Variants in CPZ observed in about 807,000 individuals in gnomAD.
The protein encoded by CPZ is VEZT/CPZ fusion.
Under a neutral mutation model 61.8 loss-of-function variants are expected in CPZ, and 103 were observed. The observed-to-expected ratio is 1.67, with a 90% confidence interval of 1.42 to 1.96. The LOEUF (loss-of-function observed/expected upper bound fraction) is 1.96. Ranked by LOEUF, CPZ falls within the 30% of genes most tolerant of loss-of-function variation. The pLI, the probability that CPZ is intolerant of heterozygous loss-of-function variation, is 0.00. For synonymous variants in CPZ, 551 were observed against 373.7 expected, an observed-to-expected ratio of 1.47 and a Z score of -5.47; for missense variants, 1,461 against 914.9, an observed-to-expected ratio of 1.60 and a Z score of -7.70.
At chr4:8,618,204 G>C in intron 9 of CPZ, 2 of 562,998 alleles carry the variant, frequency 3.6e-6, no homozygotes, top group Non-Finnish European at 6.4e-6. Flanking sequence ...TCATTCAAAA[G>C]CCCAGAACGT....
rs183707695 is a variant in CPZ at position 8,616,157 on chromosome 4, C to T, written c.1503+1659C>T. Among the ~76,000 whole-genome samples, 303 of 152,304 alleles carry T rather than the reference C, an allele frequency of 2.0e-3. 2 individuals are homozygous for T. Among genetic ancestry groups the T allele is most frequent in the African/African-American group, 5.9e-3 (247 of 41,554 alleles). On this transcript the variant is annotated intron_variant, in intron 9 of 10. Coordinates refer to ENST00000360986, the MANE Select transcript of CPZ (RefSeq NM_001014447.3). ...GCAGCTCGCTGGCTGGCTCTTGAGA[C>T]GGACGTCTTACAGGAGACCTGGGCG... is the stretch of plus-strand genomic sequence containing the variant.
rs765532026 is a variant in CPZ, at chr4:8,605,985, C to T, written c.710-4C>T. 5.0e-6 allele frequency: 8 copies of T among 1,611,426 alleles called. No homozygotes were observed. Among genetic ancestry groups the T allele is most frequent in the Non-Finnish European group, 6.8e-6 (8 of 1,177,668 alleles). ...ATGCCCCAAGTCTCTGTATTTGCCC[C>T]CAGTGGAGCCCGAGGTGAAGCTCAT... is the stretch of plus-strand genomic sequence containing the variant. On this transcript the variant is annotated splice_polypyrimidine_tract_variant and splice_region_variant and intron_variant, in intron 4 of 10. Coordinates refer to ENST00000360986, the MANE Select transcript of CPZ (RefSeq NM_001014447.3).
intron 8 of CPZ, among the ~76,000 whole-genome samples, chr4:8,614,091 T>A (rs1560302292): frequency 6.6e-6 from 1 of 152,246 alleles, no homozygotes; most frequent in African/African-American, 2.4e-5. Flanking sequence ...AAATGCCTCA[T>A]GCCGCCATCT....
chr4:8,596,303 G>A (rs982288139), intron 1 of CPZ, among the ~76,000 whole-genome samples: 1 of 152,228 alleles, frequency 6.6e-6, no homozygotes, highest in African/African-American at 2.4e-5. Flanking sequence ...ACCCGCCTAG[G>A]CCTCCCAAAG....
chr4:8,605,201 ACAT>A (rs1367489731), intron 4 of CPZ, among the ~76,000 whole-genome samples: 18 of 152,278 alleles, frequency 1.2e-4, no homozygotes, highest in African/African-American at 4.3e-4. Context: ...GGGGAGGGAG[ACAT>A]CATTTTCCAG....
rs375973206 is a variant in CPZ at position 8,601,345 on chromosome 4, G to A, written c.344G>A (p.Arg115His). 119 of 1,604,378 alleles carry A rather than the reference G, an allele frequency of 7.4e-5. No individual in the cohort carries two copies. The South Asian group carries it at 1.1e-3, about 14-fold the overall frequency. Residue 115 changes from arginine to histidine, a missense_variant, in exon 3 of 11, where the codon CGC becomes CAC. Physicochemically the swap from Arg to His is conservative, Grantham distance 29 (BLOSUM62 0). Coordinates refer to ENST00000360986, the MANE Select transcript of CPZ (RefSeq NM_001014447.3). Reference sequence around the variant, plus strand: ...CCCCGGTGTGAGGGCGGCTGGGTGCGCAGACCCTGCCGGCACATCTGCGAG... The same window carrying A: ...CCCCGGTGTGAGGGCGGCTGGGTGCACAGACCCTGCCGGCACATCTGCGAG... Reference protein sequence around the residue: ...LAPRCEGGWVRRPCRHICEGL... With the variant: ...LAPRCEGGWVHRPCRHICEGL...
intron 1 of CPZ, chr4:8,597,441 C>T (rs1245565761): frequency 2.0e-5 from 3 of 152,222 alleles, no homozygotes; most frequent in Non-Finnish European, 4.4e-5. Context: ...GACGCTCTGT[C>T]TGGACCATGA....
intron 5 of CPZ, 35 bp downstream of exon 5, chr4:8,606,220 C>G (rs200580123): frequency 1.3e-6 from 2 of 1,579,038 alleles, no homozygotes; most frequent in African/African-American, 2.7e-5. Flanking sequence ...TGTGGGCCAC[C>G]GCCCGAACCA....
At chr4:8,607,048 C>A (rs554862891) in intron 6 of CPZ, 150 bp downstream of exon 6, 7 of 1,096,036 alleles carry the variant, frequency 6.4e-6, no homozygotes, top group Non-Finnish European at 8.9e-6. Flanking sequence ...ATGGGAACAC[C>A]TCCTTGCTGG....
chr4:8,596,524 G>A (rs1326117469), intron 1 of CPZ, among the ~76,000 whole-genome samples: 2 of 152,230 alleles, frequency 1.3e-5, no homozygotes, highest in Non-Finnish European at 2.9e-5. Flanking sequence ...TTATTGTGGG[G>A]TCACAGGGGA....
At chr4:8,609,812 T>G (rs1056876762) in intron 7 of CPZ, among the ~76,000 whole-genome samples, 2 of 152,186 alleles carry the variant, frequency 1.3e-5, no homozygotes, top group African/African-American at 2.4e-5. Context: ...CATGCAGCCC[T>G]GTGGCCGGCA....
chr4:8,614,337 C>A lies in CPZ; in HGVS notation c.1364-22C>A, dbSNP rs747267593. The A allele has an allele frequency of 5.0e-6, 8 of 1,606,016 alleles. No homozygotes were observed. The East Asian group carries it at 1.6e-4, about 31-fold the overall frequency. On this transcript the variant is annotated intron_variant, in intron 8 of 10. Coordinates refer to ENST00000360986, the MANE Select transcript of CPZ (RefSeq NM_001014447.3). ...TCTGTGCGGCTGACACCCCTGACGT[C>A]CCCGCTGTCTCTGTGCCACAGGCAT... is the stretch of plus-strand genomic sequence containing the variant.
chr4:8,615,113 G>T (rs1013498704), intron 9 of CPZ, among the ~76,000 whole-genome samples: 14 of 151,996 alleles, frequency 9.2e-5, no homozygotes, highest in Admixed American at 9.2e-4. Flanking sequence ...GGCAGGAAGT[G>T]GCTGGCAGAG....
chr4:8,611,961 T>C lies in CPZ; in HGVS notation c.1228-66T>C, dbSNP rs2302575. ...TTGCACGCGCAGCTCCTCCCCTCATTGACCCCAGCTCACAGGACGTCCTGC... is the reference window on the plus strand; with the variant it reads ...TTGCACGCGCAGCTCCTCCCCTCATCGACCCCAGCTCACAGGACGTCCTGC... On this transcript the variant is annotated intron_variant, in intron 7 of 10. Coordinates refer to ENST00000360986, the MANE Select transcript of CPZ (RefSeq NM_001014447.3). 0.015 allele frequency: 23,546 copies of C among 1,609,094 alleles called. 1,557 individuals carry two copies. In the East Asian group the frequency reaches 0.24, roughly 16 times the overall value.
At position 8,604,118 on chromosome 4, in the gene CPZ, C is replaced by T. The variant is rs115804488; in HGVS notation, c.639C>T (p.Ile213=). 18,442 of 1,601,246 alleles carry T rather than the reference C, an allele frequency of 0.012. 168 individuals are homozygous for T. Among genetic ancestry groups the T allele is most frequent in the South Asian group, 0.036 (3,265 of 89,460 alleles). The change falls in exon 4 of 11, where the codon ATC becomes ATT. Residue 213 remains isoleucine (I), a synonymous_variant. Transcript: ENST00000360986. The stretch of plus-strand genomic sequence containing the variant: ...CCCACGTGGCCAGGACCTACAGCAT[C>T]GGGCGCAGCTTCGACGGCAGGGAGC... The part of the protein sequence containing the change: ...RCAHVARTYS[I]GRSFDGRELL...
intron 8 of CPZ, 34 bp downstream of exon 8, chr4:8,612,196 G>GGGGGC: frequency 2.6e-6 from 1 of 378,608 alleles, no homozygotes; most frequent in Non-Finnish European, 4.4e-6. Context: ...TGGGCGGGGG[G>GGGGGC]TGGGGGGTGC....
chr4:8,615,937 C>T (rs544138872), intron 9 of CPZ, among the ~76,000 whole-genome samples: 1 of 152,376 alleles, frequency 6.6e-6, no homozygotes, highest in Admixed American at 6.5e-5. Flanking sequence ...GGCTGTGCCG[C>T]AGCCCTGCAC....
At position 8,603,957 on chromosome 4, in the gene CPZ, C is replaced by T. The variant is rs116765715; in HGVS notation, c.497-19C>T. The T allele has an allele frequency of 1.7e-5, 27 of 1,608,524 alleles. No individual in the cohort carries two copies. Among genetic ancestry groups the T allele is most frequent in the Non-Finnish European group, 2.3e-5 (27 of 1,177,246 alleles). On this transcript the variant is annotated intron_variant, in intron 3 of 10. Transcript: ENST00000360986. ...CCTGGGGGCCTGACACTGACTGAGCCCCCCCACTGCTCCCCCAGGAGGCCT... is the reference window on the plus strand; with the variant it reads ...CCTGGGGGCCTGACACTGACTGAGCTCCCCCACTGCTCCCCCAGGAGGCCT...
chr4:8,618,590 C>A, intron 10 of CPZ, 62 bp downstream of exon 10: 1 of 1,505,576 alleles, frequency 6.6e-7, no homozygotes, highest in Non-Finnish European at 9.1e-7. Flanking sequence ...CACACCGTGG[C>A]AGCCGGCACC....
Sources: gnomAD v4.1 joint callset for allele counts (sites outside exome capture counted in the v4.1 genomes callset) on GRCh38, gnomAD v4.1.1 for gene constraint, MANE v1.5 for transcripts, NCBI Gene and HGNC (gene_info 2026-07-23, HGNC 2026-07-21) for gene names.